The following HK1 variants were observed in gnomAD, a reference collection of about 807,000 sequenced individuals.
HK1 encodes the protein hexokinase 1.
In HK1, 28 loss-of-function variants were observed where a neutral mutation model predicts 91.6. That is an observed-to-expected ratio of 0.31 (90% CI 0.23 to 0.42). HK1 has a LOEUF of 0.42. Ranked by LOEUF, HK1 falls within the 10% of genes least tolerant of loss-of-function variation. HK1 has a pLI of 1.00. For synonymous variants in HK1, 430 were observed against 468.1 expected (o/e 0.92, Z 1.05); for missense variants, 770 against 1,219.8 (o/e 0.63, Z 5.49).
At chr10:69,315,871 C>A (rs528673268), upstream of HK1, 25 of 1,410,388 alleles carry the variant, frequency 1.8e-5, no homozygotes, top group African/African-American at 3.4e-4. Context: ...CAAAACTCTA[C>A]CACAACCTGA....
At chr10:69,338,457 G>T (rs1167131801) in intron 1 of HK1, 2 of 1,272,848 alleles carry the variant, frequency 1.6e-6, no homozygotes, top group South Asian at 2.5e-5. Flanking sequence ...TGAGGGCCTG[G>T]GTTTCTGTCA....
At position 69,380,671 on chromosome 10, in the gene HK1, C is replaced by T. The variant is rs74827689; in HGVS notation, c.1265+576C>T. Among the ~76,000 whole-genome samples the T allele has an allele frequency of 4.6e-5, 7 of 152,296 alleles. No individual in the cohort carries two copies. The highest frequency in any genetic ancestry group is 7.3e-5 in the Non-Finnish European group (5 of 68,028). On this transcript the variant is annotated intron_variant, in intron 9 of 17. Coordinates refer to ENST00000359426, the MANE Select transcript of HK1 (RefSeq NM_000188.3). This position sits in a 1 kb window ranked among gnomAD's most constrained non-coding sequence, Gnocchi z 4.0. ...CCTCTGAGAGCTGGAGCTGCAGGAG[C>T]TGTAAGTTGTCCCCATTGGCAAGGA...
At chr10:69,270,783 C>G (rs1036921427) in intron 1 of HK1, among the ~76,000 whole-genome samples, 2 of 152,170 alleles carry the variant, frequency 1.3e-5, no homozygotes, top group African/African-American at 4.8e-5. Flanking sequence ...ATCTGTCTTT[C>G]TCCCATTAGC....
At chr10:69,316,753 G>T (rs1021046412), upstream of HK1, among the ~76,000 whole-genome samples, 1 of 152,234 alleles carries the variant, frequency 6.6e-6, no homozygotes, top group East Asian at 1.9e-4. Context: ...CCATGTTTTT[G>T]ATTATGCATT....
chr10:69,340,695 A>T (rs889595675), intron 1 of HK1, among the ~76,000 whole-genome samples: 3 of 152,134 alleles, frequency 2.0e-5, no homozygotes, highest in African/African-American at 7.2e-5. Flanking sequence ...GCCAGCTAGC[A>T]ATGTAGCTTT....
Position 69,318,889 on chromosome 10 carries a change from C to A in HK1, c.-59C>A, listed in dbSNP as rs886814883. ...CAGCCGCCGGAGGACCACGGCTCGC[C>A]AGGGCTGCGGAGGACCGACCGTCCC... is the stretch of plus-strand genomic sequence containing the variant. On this transcript the variant is annotated 5_prime_UTR_variant, in exon 1 of 18. Transcript: ENST00000359426. 3 of 1,532,072 alleles carry A rather than the reference C, an allele frequency of 2.0e-6. No homozygotes were observed. Among genetic ancestry groups the A allele is most frequent in the African/African-American group, 1.4e-5 (1 of 70,378 alleles). 94.9% of individuals were successfully genotyped at this position (1,532,072 alleles called of 1,614,324 possible).
At chr10:69,340,966 T>C (rs1380442087) in intron 1 of HK1, among the ~76,000 whole-genome samples, 1 of 151,984 alleles carries the variant, frequency 6.6e-6, no homozygotes, top group African/African-American at 2.4e-5. Context: ...GGGCATGCTC[T>C]CCAACTTCGC....
intron 3 of HK1, among the ~76,000 whole-genome samples, chr10:69,360,368 G>A (rs1204884811): frequency 2.3e-4 from 35 of 152,170 alleles, no homozygotes; most frequent in Admixed American, 2.1e-3. Flanking sequence ...TCCTGGGGTC[G>A]GTTCCCCAGT....
intron 1 of HK1, among the ~76,000 whole-genome samples, chr10:69,320,074 A>G (rs1477655298): frequency 2.0e-5 from 3 of 152,164 alleles, no homozygotes; most frequent in South Asian, 2.1e-4. Context: ...CCGGCAAGCC[A>G]TAGGGTGTTC....
chr10:69,362,357 G>A (rs1365727356), intron 3 of HK1, among the ~76,000 whole-genome samples: 2 of 151,782 alleles, frequency 1.3e-5, no homozygotes, highest in Non-Finnish European at 2.9e-5. Context: ...GATTATAGAT[G>A]TGAGCCACTA....
At chr10:69,382,225 C>A (rs1037444257) in intron 9 of HK1, among the ~76,000 whole-genome samples, 2 of 152,048 alleles carry the variant, frequency 1.3e-5, no homozygotes, top group Non-Finnish European at 2.9e-5. Flanking sequence ...CCTGTCTCTA[C>A]TAAAAATACA....
chr10:69,282,630 C>T (rs529851532), exon 2 of HK1: 1 of 152,274 alleles, frequency 6.6e-6, no homozygotes, highest in South Asian at 2.1e-4. Context: ...CAAGAATCCA[C>T]AGTTGGATTG....
chr10:69,343,837 A>G lies in HK1; in HGVS notation c.74A>G (p.Tyr25Cys). ...KDDQVKKIDK[Y>C]LYAMRLSDET... ...CTCATCCCCCTCCAGATTGACAAGT[A>G]TCTCTATGCCATGCGGCTCTCCGAT... The change falls in exon 2 of 18, where the codon TAT (tyrosine) becomes TGT (cysteine). Residue 25 changes from tyrosine (Y) to cysteine (C), a missense_variant. By Grantham distance (194) the Tyr-to-Cys change is radical. Around this residue, in one of 7 missense-constraint regions of HK1, gnomAD observed 449 missense variants for 665.1 expected, o/e 0.68. Coordinates refer to ENST00000359426, the MANE Select transcript of HK1 (RefSeq NM_000188.3). 1 of 1,613,246 alleles carries G rather than the reference A, an allele frequency of 6.2e-7. No homozygotes were observed. Among genetic ancestry groups the G allele is most frequent in the South Asian group, 1.1e-5 (1 of 91,062 alleles).
intron 4 of HK1, among the ~76,000 whole-genome samples, chr10:69,297,946 C>T (rs1190925118): frequency 1.4e-5 from 2 of 143,612 alleles, no homozygotes; most frequent in Non-Finnish European, 3.0e-5. Flanking sequence ...TGCGGTGGCT[C>T]ACGCCTGTAA....
In HK1 at chr10:69,382,497, C is replaced by T. The variant is rs1177686967; in HGVS notation, c.1276C>T (p.Arg426Cys). Residue 426 changes from arginine to cysteine, a missense_variant, in exon 10 of 18, where the codon CGT (arginine) becomes TGT (cysteine). Coordinates refer to ENST00000359426, the MANE Select transcript of HK1 (RefSeq NM_000188.3). ...CCCTGCCCCCATAAGGTATTCCCGG[C>T]GTTTCCACAAGACTCTAAGGCGCTT... The part of the protein sequence containing the change: ...LYKTHPQYSR[R>C]FHKTLRRLVP... 5.0e-6 allele frequency: 8 copies of T among 1,614,064 alleles called. No individual in the cohort carries two copies. The highest frequency in any genetic ancestry group is 5.9e-6 in the Non-Finnish European group (7 of 1,180,018).
chr10:69,293,187 G>T (rs1256784363), intron 3 of HK1, among the ~76,000 whole-genome samples: 1 of 152,184 alleles, frequency 6.6e-6, no homozygotes, highest in African/African-American at 2.4e-5. Context: ...TCAACTCTGT[G>T]CTCCTTGGGT....
chr10:69,374,465 C>G (rs568148322), intron 7 of HK1, among the ~76,000 whole-genome samples: 1 of 152,338 alleles, frequency 6.6e-6, no homozygotes, highest in East Asian at 1.9e-4. Context: ...AGGAAAAGGG[C>G]CCGGGCGTTA....
At chr10:69,395,152 G>A (rs373318255) in intron 16 of HK1, 47 bp downstream of exon 16, 14 of 1,596,134 alleles carry the variant, frequency 8.8e-6, no homozygotes, top group East Asian at 6.8e-5. Flanking sequence ...TTCAGAGGTC[G>A]CCTGGCTGGT....
intron 12 of HK1, 24 bp downstream of exon 12, chr10:69,384,939 A>G: frequency 6.2e-7 from 1 of 1,614,054 alleles, no homozygotes; most frequent in Non-Finnish European, 8.5e-7. Context: ...CTTAGGGCTC[A>G]GTGATCGGGC....
Sources: allele counts gnomAD v4.1 joint callset (sites outside exome capture counted in the v4.1 genomes callset), GRCh38; gene constraint gnomAD v4.1.1; regional missense constraint gnomAD v4.1.1; non-coding constraint Gnocchi (gnomAD v3.1); transcripts MANE v1.5; gene names NCBI Gene and HGNC (gene_info 2026-07-23, HGNC 2026-07-21).